Variants in CPNE4 observed in about 807,000 individuals in gnomAD.
CPNE4 encodes copine 4, also known as copine-4.
A neutral mutation model predicts 67.9 loss-of-function variants in CPNE4; 25 were observed. The observed-to-expected ratio is 0.37, with a 90% confidence interval of 0.27 to 0.51. CPNE4 has a LOEUF of 0.51. CPNE4 is among the 20% of genes least tolerant of loss of function. CPNE4 has a pLI of 0.93. For synonymous variants in CPNE4, 242 were observed against 244.9 expected, an observed-to-expected ratio of 0.99 and a Z score of 0.11; for missense variants, 464 against 690.8, an observed-to-expected ratio of 0.67 and a Z score of 3.68.
chr3:131,747,127 T>C (rs2082510169), intron 2 of CPNE4, among the ~76,000 whole-genome samples: 1 of 151,974 alleles, frequency 6.6e-6, no homozygotes, highest in Non-Finnish European at 1.5e-5. Context: ...TGTTTTTTTT[T>C]TTTTTCTCTT....
At chr3:131,670,663 G>A in intron 6 of CPNE4, among the ~76,000 whole-genome samples, 1 of 152,214 alleles carries the variant, frequency 6.6e-6, no homozygotes, top group East Asian at 1.9e-4. Context: ...ACTACCGACA[G>A]ACACTCTGGA....
chr3:131,577,377 T>A (rs1176110617), intron 9 of CPNE4, among the ~76,000 whole-genome samples: 1 of 152,092 alleles, frequency 6.6e-6, no homozygotes. Context: ...GTTAGGTGAT[T>A]TTATCATTGC....
chr3:131,863,362 C>T (rs1246485159), intron 2 of CPNE4, among the ~76,000 whole-genome samples: 2 of 152,160 alleles, frequency 1.3e-5, no homozygotes, highest in African/African-American at 4.8e-5. Context: ...ACATCCTCTC[C>T]AGCACCTGTT....
At position 131,575,187 on chromosome 3, in the gene CPNE4, T is replaced by C. The variant is rs945544032; in HGVS notation, c.868-57A>G. The C allele has an allele frequency of 2.7e-6, 4 of 1,459,108 alleles. No individual in the cohort carries two copies. The Admixed American group carries it at 5.0e-5, about 18-fold the overall frequency. 90.4% of individuals were successfully genotyped at this position (1,459,108 alleles called of 1,614,324 possible). ...TAACAGCACAGTCTATTTCCTGATA[T>C]ATTGGAGGCCTAAAGGTTGGTGACT... is the stretch of plus-strand genomic sequence containing the variant. On this transcript the variant is annotated intron_variant, in intron 9 of 15. Coordinates refer to ENST00000429747, the MANE Select transcript of CPNE4 (RefSeq NM_130808.3).
intron 1 of CPNE4, among the ~76,000 whole-genome samples, chr3:131,994,933 T>C (rs146625009): frequency 6.6e-6 from 1 of 152,314 alleles, no homozygotes; most frequent in East Asian, 1.9e-4. Context: ...TTAATAAAAA[T>C]GTATTGCTCT....
At chr3:131,968,557 A>G (rs1195795704) in intron 1 of CPNE4, among the ~76,000 whole-genome samples, 1 of 152,234 alleles carries the variant, frequency 6.6e-6, no homozygotes, top group East Asian at 1.9e-4. Context: ...ATGAACAGAC[A>G]CTTCTTTAAA....
intron 3 of CPNE4, among the ~76,000 whole-genome samples, chr3:131,720,899 A>G (rs1043199808): frequency 2.6e-5 from 4 of 152,160 alleles, no homozygotes; most frequent in African/African-American, 9.7e-5. Flanking sequence ...CTTCCTGAAT[A>G]CAGAGGCTTT....
chr3:131,686,571 AT>A (rs2080895354), intron 5 of CPNE4, among the ~76,000 whole-genome samples: 1 of 152,174 alleles, frequency 6.6e-6, no homozygotes, highest in Non-Finnish European at 1.5e-5. Context: ...TAGAGGATGA[AT>A]TTCTTCAAAT....
chr3:131,999,658 A>G (rs2073379781), intron 1 of CPNE4, among the ~76,000 whole-genome samples: 1 of 152,084 alleles, frequency 6.6e-6, no homozygotes. Flanking sequence ...CAGGGTGGGT[A>G]GATGGAGAGA....
At chr3:131,967,608 G>T (rs1186024120) in intron 1 of CPNE4, among the ~76,000 whole-genome samples, 3 of 152,098 alleles carry the variant, frequency 2.0e-5, no homozygotes, top group Non-Finnish European at 4.4e-5. Flanking sequence ...AATCATGAGT[G>T]AACTCCCATT....
At chr3:131,974,538 C>T (rs1331650933) in intron 1 of CPNE4, among the ~76,000 whole-genome samples, 1 of 152,156 alleles carries the variant, frequency 6.6e-6, no homozygotes, top group East Asian at 1.9e-4. Flanking sequence ...GCAGCATCTA[C>T]CTTCTCTGCC....
At chr3:132,006,508 C>T (rs1467393336) in intron 1 of CPNE4, among the ~76,000 whole-genome samples, 2 of 152,254 alleles carry the variant, frequency 1.3e-5, no homozygotes, top group Non-Finnish European at 2.9e-5. Context: ...AAGTTTACAG[C>T]ATAACAAGCA....
At chr3:131,728,314 G>A (rs980753547) in intron 2 of CPNE4, among the ~76,000 whole-genome samples, 1 of 152,190 alleles carries the variant, frequency 6.6e-6, no homozygotes, top group East Asian at 1.9e-4. Context: ...CTGGGAGATA[G>A]AGAGACCGCC....
At chr3:131,535,394 G>T (rs923521093) in intron 15 of CPNE4, 65 bp from the exon 16 acceptor site, 7 of 1,517,238 alleles carry the variant, frequency 4.6e-6, no homozygotes, top group African/African-American at 1.4e-5. Context: ...CATCCTAAAA[G>T]ATTTGAGTCC....
chr3:131,978,710 G>C, intron 1 of CPNE4, among the ~76,000 whole-genome samples: 1 of 148,218 alleles, frequency 6.7e-6, no homozygotes, highest in Non-Finnish European at 1.5e-5. Context: ...CTCTGATCTT[G>C]GTTATTTTCT....
intron 7 of CPNE4, among the ~76,000 whole-genome samples, chr3:131,609,028 A>G (rs1237436828): frequency 2.6e-5 from 4 of 152,114 alleles, no homozygotes; most frequent in African/African-American, 4.8e-5. Flanking sequence ...ATATCAGCCC[A>G]TATGTTCCTT....
chr3:132,011,627 A>G (rs2073764796), intron 1 of CPNE4, among the ~76,000 whole-genome samples: 1 of 152,200 alleles, frequency 6.6e-6, no homozygotes, highest in Non-Finnish European at 1.5e-5. Flanking sequence ...TTTGTTCTGA[A>G]ATTGTAAACA....
intron 3 of CPNE4, among the ~76,000 whole-genome samples, chr3:131,704,937 G>A (rs2081382145): frequency 6.6e-6 from 1 of 152,042 alleles, no homozygotes; most frequent in African/African-American, 2.4e-5. Context: ...GGTCAAATGA[G>A]GTCATAAGGG....
intron 2 of CPNE4, among the ~76,000 whole-genome samples, chr3:131,884,975 C>T (rs1170804464): frequency 6.6e-6 from 1 of 151,970 alleles, no homozygotes; most frequent in South Asian, 2.1e-4. Context: ...TAAATTTGTA[C>T]CAAGAGTGGA....
Sources: gnomAD v4.1 joint callset for allele counts (sites outside exome capture counted in the v4.1 genomes callset) on GRCh38, gnomAD v4.1.1 for gene constraint, MANE v1.5 for transcripts, NCBI Gene and HGNC (gene_info 2026-07-23, HGNC 2026-07-21) for gene names.